The following COPB1 variants were observed in gnomAD, a reference collection of about 807,000 sequenced individuals.
COPB1 encodes coat protein complex I subunit beta 1, also known as coatomer subunit beta.
In COPB1, 21 loss-of-function variants were observed where a neutral mutation model predicts 108.7. The ratio of observed to expected loss-of-function variants is 0.19; its 90% confidence interval spans 0.14 to 0.28. COPB1 has a LOEUF of 0.28. COPB1 is among the 10% of genes least tolerant of loss of function. COPB1 has a pLI of 1.00. For missense variants in COPB1, 919 were observed against 1,141.3 expected, an observed-to-expected ratio of 0.81 and a Z score of 2.81; for synonymous variants, 378 against 386.8, an observed-to-expected ratio of 0.98 and a Z score of 0.27.
At chr11:14,465,562 A>G (rs1850265775) in intron 17 of COPB1, among the ~76,000 whole-genome samples, 2 of 152,222 alleles carry the variant, frequency 1.3e-5, no homozygotes, top group South Asian at 4.1e-4. Context: ...CAAACTTCTC[A>G]AAAAGCTTAA....
At chr11:14,458,021 C>G in intron 21 of COPB1, 138 bp from the exon 22 acceptor site, 1 of 432,352 alleles carries the variant, frequency 2.3e-6, no homozygotes, top group South Asian at 4.7e-5. Context: ...ACAGACTTAC[C>G]AAACTTTACT....
At chr11:14,476,048 G>A in intron 12 of COPB1, 103 bp from the exon 13 acceptor site, 1 of 1,001,902 alleles carries the variant, frequency 1.0e-6, no homozygotes, top group Non-Finnish European at 1.4e-6. Context: ...TACCCTAATG[G>A]GATTTTTGGA....
rs1489682559 is a variant in COPB1 at position 14,460,232 on chromosome 11, A to G, written c.2622T>C (p.Asn874=). 2 of 1,611,456 alleles carry G rather than the reference A, an allele frequency of 1.2e-6. No individual in the cohort carries two copies. The highest frequency in any genetic ancestry group is 1.7e-4 in the Middle Eastern group (1 of 6,056). ...DYLQHILKST[N]MKCLTPEKAL... ...CCTTTTCTGGAGTCAGGCATTTCAT[A>G]TTGGTTGACTTTAATATGTGCTGTA... is the stretch of plus-strand genomic sequence containing the variant. Residue 874 remains asparagine (N), a synonymous_variant, in exon 20 of 22, where the codon AAT becomes AAC. Coordinates refer to ENST00000439561, the MANE Select transcript of COPB1 (RefSeq NM_001144061.2).
chr11:14,487,021 T>A (rs570382240), intron 6 of COPB1, among the ~76,000 whole-genome samples: 2 of 152,230 alleles, frequency 1.3e-5, no homozygotes, highest in South Asian at 4.1e-4. Flanking sequence ...TAAATCTCAA[T>A]AGCTAATAAA....
At chr11:14,491,529 C>T (rs151029912) in intron 4 of COPB1, among the ~76,000 whole-genome samples, 1,748 of 152,174 alleles carry the variant, frequency 0.011, 20 homozygotes, top group Non-Finnish European at 0.02. Flanking sequence ...ATTAGCCAGG[C>T]GTGGTAGCGC....
chr11:14,464,862 T>C (rs1478863106), intron 18 of COPB1, 49 bp downstream of exon 18: 1 of 1,585,158 alleles, frequency 6.3e-7, no homozygotes, highest in Non-Finnish European at 8.6e-7. Context: ...CTATAGAAAT[T>C]CTTCAGTAAA....
rs554215697 is a variant in COPB1, at chr11:14,469,007, T to C, written c.1966-147A>G. The C allele has an allele frequency of 8.3e-5, 60 of 723,746 alleles. 1 individual carries two copies. In the South Asian group the frequency reaches 1.0e-3, roughly 12 times the overall value. The allele number at this position is 723,746 out of a possible 1,614,324, so 44.8% of individuals were successfully genotyped here. A position where few individuals can be genotyped will look rare whatever the true frequency, so the allele number is the denominator to read the frequency against. ...CAAAGCACTTTTCTTTTCTTTTTTT[T>C]CTTCCTGAGACAGGCTGTTACTCTG... On this transcript the variant is annotated intron_variant, in intron 15 of 21. Coordinates refer to ENST00000439561, the MANE Select transcript of COPB1 (RefSeq NM_001144061.2).
chr11:14,499,018 A>AT (rs904335138), intron 1 of COPB1, 33 bp from the exon 2 acceptor site: 60 of 1,012,390 alleles, frequency 5.9e-5, no homozygotes, highest in Non-Finnish European at 7.7e-5. Flanking sequence ...ATCATTACAA[A>AT]TTAAAAAAAA....
intron 1 of COPB1, 47 bp from the exon 2 acceptor site, chr11:14,499,032 ACC>A: frequency 2.3e-5 from 21 of 931,742 alleles, no homozygotes; most frequent in Non-Finnish European, 3.2e-5. Context: ...AAAAAAAAAA[ACC>A]CACAAACAAG....
chr11:14,458,329 T>C (rs141926843), intron 21 of COPB1, among the ~76,000 whole-genome samples: 3 of 152,224 alleles, frequency 2.0e-5, no homozygotes, highest in African/African-American at 7.2e-5. Context: ...TCAATCTGGT[T>C]TTAGGCAAAT....
chr11:14,463,114 T>C (rs957695424), intron 18 of COPB1, among the ~76,000 whole-genome samples: 3 of 152,196 alleles, frequency 2.0e-5, no homozygotes, highest in Non-Finnish European at 2.9e-5. Flanking sequence ...GAGCTTCAAA[T>C]ACTTTCTGAA....
chr11:14,458,500 A>C, intron 21 of COPB1, 32 bp downstream of exon 21: 1 of 1,589,370 alleles, frequency 6.3e-7, no homozygotes, highest in Non-Finnish European at 8.5e-7. Flanking sequence ...TTGTCAGTCC[A>C]GAGATACTCT....
At chr11:14,472,627 T>C (rs986821858) in intron 14 of COPB1, among the ~76,000 whole-genome samples, 6 of 152,252 alleles carry the variant, frequency 3.9e-5, no homozygotes, top group Non-Finnish European at 7.3e-5. Context: ...TAAGGTTGTT[T>C]AGTCTACACT....
At chr11:14,487,458 C>G (rs1220521371) in intron 6 of COPB1, among the ~76,000 whole-genome samples, 1 of 151,992 alleles carries the variant, frequency 6.6e-6, no homozygotes, top group Non-Finnish European at 1.5e-5. Flanking sequence ...GGGCAGATCA[C>G]GAGGTCAGGA....
chr11:14,468,713 C>G lies in COPB1; in HGVS notation c.2113G>C (p.Ala705Pro). 6.2e-7 allele frequency: 1 copy of G among 1,614,054 alleles called. No homozygotes were observed. Among genetic ancestry groups the G allele is most frequent in the Non-Finnish European group, 8.5e-7 (1 of 1,179,988 alleles). Residue 705 changes from alanine (A) to proline (P), a missense_variant, in exon 16 of 22, where the codon GCA becomes CCA. By Grantham distance (27) the Ala-to-Pro change is conservative. This residue lies in a region of COPB1 where 705 missense variants were observed against 817.8 expected (regional missense o/e 0.86). Transcript: ENST00000439561. ...AAMGNTQRKE[A>P]ADPLASKLNK... ...AGTTTAGATGCTAGGGGATCTGCTG[C>G]CTCTTTCCTCTGTGTGTTACCCATT...
At chr11:14,499,315 G>A (rs752721600) in intron 1 of COPB1, among the ~76,000 whole-genome samples, 1 of 152,088 alleles carries the variant, frequency 6.6e-6, no homozygotes, top group Non-Finnish European at 1.5e-5. Flanking sequence ...CAAGTTAAGA[G>A]ACCTTGTGCC....
intron 1 of COPB1, 69 bp from the exon 2 acceptor site, chr11:14,499,054 T>G (rs1394656475): frequency 6.8e-6 from 5 of 735,264 alleles, no homozygotes; most frequent in Non-Finnish European, 1.1e-5. Context: ...GTACCTATAG[T>G]GACCTTTTAA....
intron 2 of COPB1, among the ~76,000 whole-genome samples, chr11:14,495,332 G>A (rs1016527850): frequency 2.6e-5 from 4 of 152,128 alleles, no homozygotes; most frequent in Admixed American, 2.6e-4. Flanking sequence ...ATGATTACAA[G>A]TCTTCAATAA....
At chr11:14,494,943 G>A (rs1850984411) in intron 2 of COPB1, among the ~76,000 whole-genome samples, 1 of 152,164 alleles carries the variant, frequency 6.6e-6, no homozygotes, top group African/African-American at 2.4e-5. Context: ...AACTAAAGTA[G>A]TGGATTATTT....
Sources: allele counts gnomAD v4.1 joint callset (sites outside exome capture counted in the v4.1 genomes callset), GRCh38; gene constraint gnomAD v4.1.1; regional missense constraint gnomAD v4.1.1; transcripts MANE v1.5; gene names NCBI Gene and HGNC (gene_info 2026-07-23, HGNC 2026-07-21).